The following TM2D3 variants were observed in gnomAD, a reference collection of about 807,000 sequenced individuals.
The protein encoded by TM2D3 is TM2 domain containing 3.
In TM2D3, 33 loss-of-function variants were observed where a neutral mutation model predicts 27.3. The observed-to-expected ratio is 1.21, with a 90% CI of 0.92 to 1.61. TM2D3 has a LOEUF of 1.61. Among genes scored for constraint, TM2D3 ranks in the 40% most tolerant of loss-of-function variants. The pLI, the probability that TM2D3 is intolerant of heterozygous loss-of-function variation, is 0.00. For missense variants in TM2D3, 364 were observed against 320.8 expected, an observed-to-expected ratio of 1.13 and a Z score of -1.03; for synonymous variants, 138 against 122.2, an observed-to-expected ratio of 1.13 and a Z score of -0.85.
chr15:101,634,336 A>G (rs9672764), intron 4 of TM2D3: 8,058 of 152,484 alleles, frequency 0.053, 342 homozygotes, highest in South Asian at 0.17. Flanking sequence ...CAGGAGGCTG[A>G]GGCAGGAGAA....
At chr15:101,638,545 G>A (rs150937980), downstream of TM2D3, among the ~76,000 whole-genome samples, 476 of 152,218 alleles carry the variant, frequency 3.1e-3, 1 homozygote, top group African/African-American at 0.011. Context: ...TGATCTGCCC[G>A]CCTCGGACTC....
intron 5 of TM2D3, among the ~76,000 whole-genome samples, chr15:101,643,599 TA>T (rs1158728522): frequency 0.019 from 896 of 47,318 alleles, 16 homozygotes; most frequent in African/African-American, 0.051. Context: ...GAGACTCCGT[TA>T]AAAAAAAAAA....
At position 101,642,319 on chromosome 15, in the gene TM2D3, A is replaced by T; in HGVS notation, c.*160T>A. 7.6e-7 allele frequency: 1 copy of T among 1,311,146 alleles called. No homozygotes were observed. The highest frequency in any genetic ancestry group is 9.7e-7 in the Non-Finnish European group (1 of 1,028,264). The allele number at this position is 1,311,146 out of a possible 1,614,324, so 81.2% of individuals were successfully genotyped here. ...GGCAAATAAAAACAAATTCCAGATT[A>T]GCATAGTTCAGCGTTTCATTTATCT... On this transcript the variant is annotated 3_prime_UTR_variant, in exon 6 of 6. Transcript: ENST00000333202.
At chr15:101,647,371 C>T (rs1896842904) in intron 3 of TM2D3, among the ~76,000 whole-genome samples, 1 of 152,166 alleles carries the variant, frequency 6.6e-6, no homozygotes, top group Non-Finnish European at 1.5e-5. Flanking sequence ...CAGCCTGATG[C>T]TTCTGTAATG....
In TM2D3 at chr15:101,633,866, C is replaced by G. The variant is rs200393357; in HGVS notation, c.501-138G>C. ...CACAACTTGATTGAGAAGAGATGAT[C>G]AAAAGGTGCCAGCGTTGAGAAGACT... On this transcript the variant is annotated intron_variant, in intron 4 of 4. Transcript: ENST00000428002. The G allele has an allele frequency of 4.5e-6, 3 of 659,484 alleles. No homozygotes were observed. In the South Asian group the frequency reaches 8.2e-5, roughly 18 times the overall value. The allele number at this position is 659,484 out of a possible 1,614,324, so 40.9% of individuals were successfully genotyped here.
intron 4 of TM2D3, 73 bp downstream of exon 4, chr15:101,646,652 T>C: frequency 5.1e-6 from 8 of 1,567,358 alleles, no homozygotes; most frequent in Non-Finnish European, 7.0e-6. Context: ...ACTCGCAAAT[T>C]TCTGGTTAAA....
In TM2D3 at chr15:101,646,770, G is replaced by A. The variant is rs1896823011; in HGVS notation, c.457C>T (p.Arg153Cys). ...SCMTVSCPRQ[R>C]YPANCTVRDH... is the part of the protein sequence containing the mutation. ...CGCACCGTGCAGTTGGCAGGGTAGC[G>A]CTGCCGAGGACAGGACACCGTCATG... Residue 153 changes from arginine to cysteine, a missense_variant, in exon 4 of 6, where the codon CGC (arginine) becomes TGC (cysteine). Coordinates refer to ENST00000333202, the MANE Select transcript of TM2D3 (RefSeq NM_078474.3). The A allele has an allele frequency of 1.2e-6, 2 of 1,614,210 alleles. No homozygotes were observed. The highest frequency in any genetic ancestry group is 1.7e-6 in the Non-Finnish European group (2 of 1,180,034).
intron 3 of TM2D3, among the ~76,000 whole-genome samples, chr15:101,648,720 G>C (rs982097646): frequency 6.6e-6 from 1 of 152,178 alleles, no homozygotes; most frequent in Admixed American, 6.5e-5. Context: ...GAGCTGCCTA[G>C]TTCTTTTTAA....
intron 4 of TM2D3, chr15:101,636,132 T>A (rs1389835097): frequency 1.3e-5 from 2 of 152,240 alleles, no homozygotes; most frequent in African/African-American, 4.8e-5. Context: ...TATTCCATTA[T>A]ATGAATGAAC....
chr15:101,646,481 G>T (rs1896813356), intron 4 of TM2D3: 7 of 475,934 alleles, frequency 1.5e-5, no homozygotes, highest in Non-Finnish European at 2.3e-5. Context: ...CAATTACTGT[G>T]TATTATGCTT....
downstream of TM2D3, among the ~76,000 whole-genome samples, chr15:101,641,056 T>A (rs1896656578): frequency 6.6e-6 from 1 of 152,236 alleles, no homozygotes; most frequent in Non-Finnish European, 1.5e-5. Context: ...GATTCTCTTC[T>A]ACACAGAGCT....
downstream of TM2D3, among the ~76,000 whole-genome samples, chr15:101,638,364 G>A (rs1279292736): frequency 2.0e-5 from 3 of 151,372 alleles, no homozygotes; most frequent in Admixed American, 1.3e-4. Context: ...GTATGATCTC[G>A]GCTCACAGCA....
At chr15:101,640,702 G>A (rs904929316), downstream of TM2D3, among the ~76,000 whole-genome samples, 26 of 152,280 alleles carry the variant, frequency 1.7e-4, no homozygotes, top group Admixed American at 8.5e-4. Context: ...AAATCTCTTC[G>A]TATTTCCTGC....
At chr15:101,635,570 G>A (rs917750533) in intron 4 of TM2D3, 3 of 152,180 alleles carry the variant, frequency 2.0e-5, no homozygotes, top group Admixed American at 6.5e-5. Context: ...CGTGTTCAAA[G>A]TAAGCATCTA....
downstream of TM2D3, among the ~76,000 whole-genome samples, chr15:101,638,295 C>T (rs1011843162): frequency 5.3e-5 from 8 of 151,032 alleles, no homozygotes; most frequent in African/African-American, 1.5e-4. Flanking sequence ...GAGACCCCCC[C>T]ACCTTTTTTT....
exon 5 of TM2D3, chr15:101,633,114 G>A (rs951379099): frequency 6.6e-6 from 1 of 152,182 alleles, no homozygotes; most frequent in African/African-American, 2.4e-5. Flanking sequence ...GATATTCTCA[G>A]ATGAAGAAAA....
intron 5 of TM2D3, among the ~76,000 whole-genome samples, chr15:101,643,588 A>G (rs1896723574): frequency 7.5e-6 from 1 of 133,494 alleles, no homozygotes; most frequent in African/African-American, 2.8e-5. Context: ...GGTGACAGAG[A>G]GAGACTCCGT....
intron 2 of TM2D3, 55 bp downstream of exon 2, chr15:101,651,641 G>A: frequency 2.0e-6 from 3 of 1,511,094 alleles, no homozygotes; most frequent in Non-Finnish European, 2.7e-6. Flanking sequence ...TAAAAACAAA[G>A]AGAAACTACT....
downstream of TM2D3, among the ~76,000 whole-genome samples, chr15:101,638,344 G>T (rs1363651832): frequency 6.6e-6 from 1 of 151,818 alleles, no homozygotes; most frequent in African/African-American, 2.4e-5. Flanking sequence ...GCCCAGGCTG[G>T]AGTGCAATGG....
Sources: allele counts gnomAD v4.1 joint callset (sites outside exome capture counted in the v4.1 genomes callset), GRCh38; gene constraint gnomAD v4.1.1; transcripts MANE v1.5; gene names NCBI Gene and HGNC (gene_info 2026-07-23, HGNC 2026-07-21).